Variants in SNED1 observed in about 807,000 individuals in gnomAD.
SNED1 encodes sushi, nidogen and EGF like domains 1.
SNED1 carries 81 observed loss-of-function variants against 166.7 expected under a neutral mutation model. The observed-to-expected ratio is 0.49, with a 90% CI of 0.41 to 0.58. SNED1 has a LOEUF of 0.58. Ranked by LOEUF, SNED1 falls within the 20% of genes least tolerant of loss-of-function variation. The pLI, the probability that SNED1 is intolerant of heterozygous loss-of-function variation, is 0.00. For synonymous variants in SNED1, 762 were observed against 822.0 expected (o/e 0.93, Z 1.25); for missense variants, 1,604 against 2,000.2 (o/e 0.80, Z 3.78).
chr2:241,000,451 G>A (rs1417240900), intron 1 of SNED1, among the ~76,000 whole-genome samples: 1 of 152,192 alleles, frequency 6.6e-6, no homozygotes, highest in Non-Finnish European at 1.5e-5. Flanking sequence ...GTACGAAGTG[G>A]GTAGGACAGA....
At chr2:241,072,203 G>A (rs1471927527) in intron 26 of SNED1, 2 of 571,088 alleles carry the variant, frequency 3.5e-6, no homozygotes, top group Non-Finnish European at 6.6e-6. Flanking sequence ...CCAAAGTAGG[G>A]CTCTGAGCTT....
chr2:241,081,764 C>G lies in SNED1; in HGVS notation c.4004C>G (p.Pro1335Arg), dbSNP rs755846432. The stretch of plus-strand genomic sequence containing the variant: ...GACGCCCACAGCTGTGACTGCGGGC[C>G]AGGGTTCAAAGGCAGACGCTGCGAG... ...GADAHSCDCG[P>R]GFKGRRCELA... is the part of the protein sequence containing the mutation. Residue 1335 changes from proline (P) to arginine (R), a missense_variant, in exon 28 of 32, where the codon CCA (proline) becomes CGA (arginine). By Grantham distance (103) the Pro-to-Arg change is moderately radical. This residue lies in a region of SNED1 where 367 missense variants were observed against 379.4 expected (regional missense o/e 0.97). Transcript: ENST00000310397. 6.2e-7 allele frequency: 1 copy of G among 1,601,150 alleles called. No individual in the cohort carries two copies. Among genetic ancestry groups the G allele is most frequent in the Admixed American group, 1.7e-5 (1 of 58,230 alleles).
chr2:241,051,951 C>T lies in SNED1; in HGVS notation c.1853-90C>T. The T allele has an allele frequency of 6.8e-7, 1 of 1,481,316 alleles. No individual in the cohort carries two copies. The allele number at this position is 1,481,316 out of a possible 1,614,324, so 91.8% of individuals were successfully genotyped here. ...TGCACCCTCCCTGCCAGCTGTGGGTCTGCTTCTCATGAAGAGGCCCCAGCT... is the reference window on the plus strand; with the variant it reads ...TGCACCCTCCCTGCCAGCTGTGGGTTTGCTTCTCATGAAGAGGCCCCAGCT... On this transcript the variant is annotated intron_variant, in intron 13 of 31. Coordinates refer to ENST00000310397, the MANE Select transcript of SNED1 (RefSeq NM_001080437.3). This position sits in a 1 kb window ranked among gnomAD's most constrained non-coding sequence, Gnocchi z 4.7.
rs561491602 is a variant in SNED1 at position 241,030,051 on chromosome 2, T to C, written c.214-233T>C. ...GGGCACTCCACAGGGCATCGGGTACTGCACACAGGTCAGAGCCTGTGCCCT... is the reference window on the plus strand; with the variant it reads ...GGGCACTCCACAGGGCATCGGGTACCGCACACAGGTCAGAGCCTGTGCCCT... On this transcript the variant is annotated intron_variant, in intron 1 of 31. Transcript: ENST00000310397. 7.9e-5 allele frequency among the ~76,000 whole-genome samples: 12 copies of C among 152,354 alleles called. No individual in the cohort carries two copies. In the East Asian group the frequency reaches 2.3e-3, roughly 29 times the overall value.
intron 29 of SNED1, among the ~76,000 whole-genome samples, chr2:241,082,599 G>A (rs2063381726): frequency 6.6e-6 from 1 of 152,192 alleles, no homozygotes; most frequent in Non-Finnish European, 1.5e-5. Context: ...GAAGAACGCA[G>A]GCTCCTGGTC....
Position 240,998,715 on chromosome 2 carries a change from G to A in SNED1, c.-123G>A. On this transcript the variant is annotated 5_prime_UTR_variant, in exon 1 of 32. Coordinates refer to ENST00000310397, the MANE Select transcript of SNED1 (RefSeq NM_001080437.3). Reference sequence around the variant, plus strand: ...CGCGGGACGCGGAGCCCCCGACGGCGCGGCCAGCGGGCGCGCCCGCGCTCC... The same window carrying A: ...CGCGGGACGCGGAGCCCCCGACGGCACGGCCAGCGGGCGCGCCCGCGCTCC... The A allele has an allele frequency of 1.8e-5, 4 of 219,704 alleles. No homozygotes were observed. Among genetic ancestry groups the A allele is most frequent in the Non-Finnish European group, 3.0e-5 (4 of 132,390 alleles). The allele number at this position is 219,704 out of a possible 1,614,324, so 13.6% of individuals were successfully genotyped here. A position where few individuals can be genotyped will look rare whatever the true frequency, so the allele number is the denominator to read the frequency against.
At chr2:241,036,694 T>A (rs13012027) in intron 4 of SNED1, 96 bp from the exon 5 acceptor site, 1 of 1,532,710 alleles carries the variant, frequency 6.5e-7, no homozygotes, top group African/African-American at 1.4e-5. Flanking sequence ...GCCGACCTTT[T>A]GGGTCAGGGG....
At chr2:241,078,584 G>A (rs1402268307) in intron 27 of SNED1, among the ~76,000 whole-genome samples, 2 of 151,650 alleles carry the variant, frequency 1.3e-5, no homozygotes, top group East Asian at 3.9e-4. Flanking sequence ...AAGTCCAGCA[G>A]AGGGAGCTCT....
At position 241,087,483 on chromosome 2, in the gene SNED1, T is replaced by C; in HGVS notation, c.4205+8T>C. 1 of 1,597,026 alleles carries C rather than the reference T, an allele frequency of 6.3e-7. No individual in the cohort carries two copies. Among genetic ancestry groups the C allele is most frequent in the Non-Finnish European group, 8.5e-7 (1 of 1,171,788 alleles). ...CAAGAAGACCCCAAACAGGTGCCTC[T>C]GGGGAGCAGGCCCATGCCGTGTCCT... On this transcript the variant is annotated splice_region_variant and intron_variant, in intron 30 of 31. Coordinates refer to ENST00000310397, the MANE Select transcript of SNED1 (RefSeq NM_001080437.3).
At position 241,092,026 on chromosome 2, in the gene SNED1, A is replaced by G. The variant is rs966928267; in HGVS notation, c.*390A>G. ...TGCAGAAACCTGTTCTTAGACTCCA[A>G]AGCCAGAGAAAGAATTCTCCCTTCG... On this transcript the variant is annotated 3_prime_UTR_variant, in exon 32 of 32. Transcript: ENST00000310397. The surrounding 1 kb of genome is among the most constrained non-coding windows in gnomAD (Gnocchi z 4.6). 4 of 152,238 alleles carry G rather than the reference A, an allele frequency of 2.6e-5. No homozygotes were observed. Among genetic ancestry groups the G allele is most frequent in the African/African-American group, 9.7e-5 (4 of 41,440 alleles). The allele number at this position is 152,238 out of a possible 1,614,324, so 9.4% of individuals were successfully genotyped here.
intron 24 of SNED1, 110 bp from the exon 25 acceptor site, chr2:241,071,466 T>G: frequency 3.1e-6 from 4 of 1,307,228 alleles, no homozygotes; most frequent in Non-Finnish European, 4.2e-6. Context: ...ATGCCCCCCT[T>G]CCCTTCTCCA....
chr2:241,089,443 TCA>T, intron 31 of SNED1: 1 of 1,546,854 alleles, frequency 6.5e-7, no homozygotes, highest in East Asian at 2.4e-5. Context: ...AGATATAGGC[TCA>T]CACACACCAA....
intron 1 of SNED1, chr2:241,010,477 T>C (rs1348573492): frequency 6.6e-6 from 1 of 152,342 alleles, no homozygotes; most frequent in East Asian, 1.9e-4. Flanking sequence ...CCGCCCCCAA[T>C]GGAGGAGGGC....
chr2:241,072,572 C>T (rs2062785328), intron 26 of SNED1: 1 of 273,058 alleles, frequency 3.7e-6, no homozygotes, highest in Non-Finnish European at 7.1e-6. Context: ...TGAGCAAAAA[C>T]TCCTCAGGCA....
chr2:241,036,343 G>A (rs1210824474), intron 4 of SNED1, among the ~76,000 whole-genome samples: 1 of 152,016 alleles, frequency 6.6e-6, no homozygotes, highest in Non-Finnish European at 1.5e-5. Flanking sequence ...AGCATCCGAG[G>A]GACACAGCCC....
Position 241,048,430 on chromosome 2 carries a change from CT to C in SNED1, c.1390del (p.Cys464AlafsTer47), listed in dbSNP as rs1264617867. The C allele has an allele frequency of 6.2e-7, 1 of 1,604,774 alleles. No homozygotes were observed. The highest frequency in any genetic ancestry group is 8.5e-7 in the Non-Finnish European group (1 of 1,176,150). Reference protein sequence around the residue: ...ECPEGFMGLDCRERVPDDCEC... With the variant: ...ECPEGFMGLDXRERVPDDCEC... Reference sequence around the variant, plus strand: ...GCCCCGAAGGCTTCATGGGCCTGGACTGCAGGGAGAGTGCGTCTGGGCTGCA... The same window carrying C: ...GCCCCGAAGGCTTCATGGGCCTGGACGCAGGGAGAGTGCGTCTGGGCTGCA... On this transcript the variant is annotated frameshift_variant, in exon 9 of 32. Transcript: ENST00000310397. LOFTEE classifies it high-confidence loss of function.
chr2:241,076,256 G>C (rs1278265805), intron 27 of SNED1, among the ~76,000 whole-genome samples: 1 of 152,136 alleles, frequency 6.6e-6, no homozygotes, highest in Admixed American at 6.5e-5. Context: ...AGGATAGTAA[G>C]TCTATATCCA....
At chr2:241,029,224 C>T (rs985723987) in intron 1 of SNED1, among the ~76,000 whole-genome samples, 4 of 152,192 alleles carry the variant, frequency 2.6e-5, no homozygotes, top group South Asian at 2.1e-4. Flanking sequence ...CTGGTCAGCT[C>T]GAGCTGCTGC....
At chr2:241,040,694 T>C (rs1168341513) in intron 8 of SNED1, among the ~76,000 whole-genome samples, 1 of 152,206 alleles carries the variant, frequency 6.6e-6, no homozygotes, top group Admixed American at 6.5e-5. Flanking sequence ...GGCCTTGGTT[T>C]CCATCTGTGA....
Sources: gnomAD v4.1 joint callset for allele counts (sites outside exome capture counted in the v4.1 genomes callset) on GRCh38, gnomAD v4.1.1 for gene constraint, gnomAD v4.1.1 regional missense constraint, Gnocchi (gnomAD v3.1) non-coding constraint, MANE v1.5 for transcripts, NCBI Gene and HGNC (gene_info 2026-07-23, HGNC 2026-07-21) for gene names.